ZNF345: variants seen among roughly 807,000 people sequenced by gnomAD.
The protein encoded by ZNF345 is zinc finger protein 345, also known as zinc finger protein HZF10.
For missense variants in ZNF345, 527 were observed against 589.9 expected, an observed-to-expected ratio of 0.89 and a Z score of 1.10; for synonymous variants, 166 against 187.9, an observed-to-expected ratio of 0.88 and a Z score of 0.95.
intron 2 of ZNF345, among the ~76,000 whole-genome samples, chr19:36,869,909 A>G (rs147324125): frequency 0.018 from 2,802 of 152,044 alleles, 90 homozygotes; most frequent in African/African-American, 0.064. Context: ...TTACAGGCAC[A>G]TGCCACCACG....
downstream of ZNF345, among the ~76,000 whole-genome samples, chr19:36,882,572 GT>G (rs1157967899): frequency 1.3e-5 from 2 of 151,904 alleles, no homozygotes. Context: ...TGGCCCCATA[GT>G]TTTTTAAAAA....
At chr19:36,891,772 G>C in intron 3 of ZNF345, 2 of 1,614,066 alleles carry the variant, frequency 1.2e-6, no homozygotes, top group Non-Finnish European at 1.7e-6. Flanking sequence ...GTGATGGTTA[G>C]TAAGTGTTGA....
At chr19:36,861,651 C>T (rs777319304) in intron 2 of ZNF345, among the ~76,000 whole-genome samples, 2 of 152,126 alleles carry the variant, frequency 1.3e-5, no homozygotes, top group Non-Finnish European at 2.9e-5. Flanking sequence ...ACCTCTGTCT[C>T]CTGGGTTCAA....
Position 36,877,315 on chromosome 19 carries a change from T to C in ZNF345, c.485T>C (p.Ile162Thr). ...GCCTTTAGTTTTGGATCAGGCCTTA[T>C]TCGACATCAGATCATTCACAGTGGT... ...GKAFSFGSGL[I>T]RHQIIHSGEK... The change falls in exon 3 of 3, where the codon ATT becomes ACT. Residue 162 changes from isoleucine (I) to threonine (T), a missense_variant. Transcript: ENST00000420450. 1.2e-6 allele frequency: 2 copies of C among 1,613,748 alleles called. No individual in the cohort carries two copies. The highest frequency in any genetic ancestry group is 1.7e-6 in the Non-Finnish European group (2 of 1,179,940).
At chr19:36,859,378 A>C (rs923613021) in intron 2 of ZNF345, among the ~76,000 whole-genome samples, 3 of 151,392 alleles carry the variant, frequency 2.0e-5, no homozygotes, top group Admixed American at 2.0e-4. Context: ...CTGGTCTCAA[A>C]CTCCTGACCT....
intron 3 of ZNF345, chr19:36,892,392 G>C (rs1399515339): frequency 6.2e-7 from 1 of 1,612,372 alleles, no homozygotes; most frequent in Non-Finnish European, 8.5e-7. Context: ...AAGTAGACAT[G>C]TCTTCACGGG....
At chr19:36,892,771 G>C in intron 3 of ZNF345, 1 of 465,806 alleles carries the variant, frequency 2.1e-6, no homozygotes, top group Non-Finnish European at 3.5e-6. Context: ...CCATATTATA[G>C]AGAGATTCTA....
chr19:36,893,101 A>C, downstream of ZNF345: 1 of 397,870 alleles, frequency 2.5e-6, no homozygotes. Context: ...AGGACTGTTA[A>C]GAATAACAAA....
rs139624613 is a variant in ZNF345 at position 36,891,226 on chromosome 19, A to T, written c.47-1592A>T. The T allele has an allele frequency of 5.6e-5, 19 of 337,488 alleles. No individual in the cohort carries two copies. The East Asian group carries it at 8.2e-4, about 15-fold the overall frequency. The allele number at this position is 337,488 out of a possible 1,614,324, so 20.9% of individuals were successfully genotyped here. On this transcript the variant is annotated intron_variant, in intron 3 of 3. Transcript: ENST00000526123. ...CAGCTGTTAACAGAGGTTAGGAAAA[A>T]GGCATAGAACAGATCCTCAGAGTCC...
At chr19:36,852,128 C>CTTTTTTTTTTTTTTTTT (rs35747733) in intron 2 of ZNF345, among the ~76,000 whole-genome samples, 3 of 102,706 alleles carry the variant, frequency 2.9e-5, no homozygotes, top group Non-Finnish European at 5.7e-5. Context: ...TTCTTTCTTT[C>CTTTTTTTTTTTTTTTTT]TTTTTTTTTT....
In ZNF345 at chr19:36,877,515, C is replaced by T. The variant is rs1228175790; in HGVS notation, c.685C>T (p.Pro229Ser). Residue 229 changes from proline to serine, a missense_variant, in exon 3 of 3, where the codon CCT becomes TCT. Pro to Ser is a moderately conservative substitution (Grantham distance 74). Transcript: ENST00000420450. ...TCGGCGGATTCATACTGGTGAGAAA[C>T]CTTATGAATGCAAAGCATGTGGAAT... Reference protein sequence around the residue: ...QHRRIHTGEKPYECKACGMAF... With the variant: ...QHRRIHTGEKSYECKACGMAF... The T allele has an allele frequency of 3.7e-6, 6 of 1,614,036 alleles. No homozygotes were observed. In the Admixed American group the frequency reaches 5.0e-5, roughly 13 times the overall value.
At chr19:36,864,562 C>G (rs898286313) in intron 2 of ZNF345, among the ~76,000 whole-genome samples, 6 of 152,004 alleles carry the variant, frequency 3.9e-5, no homozygotes, top group Non-Finnish European at 8.8e-5. Context: ...GCAGCCACTA[C>G]TAATGGTAGA....
At chr19:36,864,494 A>C (rs1364939338) in intron 2 of ZNF345, among the ~76,000 whole-genome samples, 2 of 152,068 alleles carry the variant, frequency 1.3e-5, no homozygotes, top group Non-Finnish European at 2.9e-5. Context: ...GGGTGACTCC[A>C]GCCTGGGTGA....
At chr19:36,881,917 C>T (rs1161855032), downstream of ZNF345, among the ~76,000 whole-genome samples, 3 of 151,962 alleles carry the variant, frequency 2.0e-5, no homozygotes, top group East Asian at 1.9e-4. Flanking sequence ...TTTTCAAATT[C>T]GTTGATATTG....
chr19:36,862,587 C>T (rs1026986488), intron 2 of ZNF345, among the ~76,000 whole-genome samples: 1 of 147,258 alleles, frequency 6.8e-6, no homozygotes, highest in Non-Finnish European at 1.5e-5. Context: ...TCACTTGAAC[C>T]TGGGAGGCAG....
At chr19:36,874,499 A>AG (rs2072840700) in intron 2 of ZNF345, among the ~76,000 whole-genome samples, 1 of 137,284 alleles carries the variant, frequency 7.3e-6, no homozygotes, top group Non-Finnish European at 1.5e-5. Context: ...CACTAAAAAA[A>AG]AAAAAAGGGG....
In ZNF345 at chr19:36,878,574, C is replaced by A; in HGVS notation, c.*277C>A. On this transcript the variant is annotated 3_prime_UTR_variant, in exon 3 of 3. Transcript: ENST00000420450. ...TATTATATTTTGCCTCAACTTTAAA[C>A]ATTGGAAAACTCATTTCTGGGTTAA... is the stretch of plus-strand genomic sequence containing the variant. 1 of 255,328 alleles carries A rather than the reference C, an allele frequency of 3.9e-6. No individual in the cohort carries two copies. The highest frequency in any genetic ancestry group is 8.3e-5 in the East Asian group (1 of 12,114). 15.8% of individuals were successfully genotyped at this position (255,328 alleles called of 1,614,324 possible). A position where few individuals can be genotyped will look rare whatever the true frequency, so the allele number is the denominator to read the frequency against.
chr19:36,873,224 T>C (rs1011946909), intron 2 of ZNF345, among the ~76,000 whole-genome samples: 2 of 152,158 alleles, frequency 1.3e-5, no homozygotes, highest in African/African-American at 4.8e-5. Flanking sequence ...CATATCCTTA[T>C]GAGAATATAC....
rs1164206164 is a variant in ZNF345, at chr19:36,892,266, C to T, written c.47-552C>T. ...AGTGTTTTTCACCAAAATGAATTCT[C>T]TGATGTTGGATAAATTGTGAGTTTT... is the stretch of plus-strand genomic sequence containing the variant. On this transcript the variant is annotated intron_variant, in intron 3 of 3. Coordinates refer to the ZNF345 transcript ENST00000526123. 7.4e-6 allele frequency: 12 copies of T among 1,613,814 alleles called. 1 individual carries two copies. In the Admixed American group the frequency reaches 1.8e-4, roughly 25 times the overall value.
Sources: allele counts gnomAD v4.1 joint callset (sites outside exome capture counted in the v4.1 genomes callset), GRCh38; gene constraint gnomAD v4.1.1; transcripts MANE v1.5; gene names NCBI Gene and HGNC (gene_info 2026-07-23, HGNC 2026-07-21).